ZHX1: variants seen among roughly 807,000 people sequenced by gnomAD.
ZHX1 encodes zinc fingers and homeoboxes protein 1.
Under a neutral mutation model 61.8 loss-of-function variants are expected in ZHX1, and 20 were observed. That is an observed-to-expected ratio of 0.32 (90% CI 0.23 to 0.47). The LOEUF is 0.47. ZHX1 is among the 20% of genes least tolerant of loss of function. The pLI is 1.00. For missense variants in ZHX1, 800 were observed against 1,034.8 expected, an observed-to-expected ratio of 0.77 and a Z score of 3.11; for synonymous variants, 318 against 352.6, an observed-to-expected ratio of 0.90 and a Z score of 1.10.
At chr8:123,251,661 A>T (rs1825923148) in intron 3 of ZHX1, among the ~76,000 whole-genome samples, 1 of 151,802 alleles carries the variant, frequency 6.6e-6, no homozygotes. Flanking sequence ...GTTTAGCAAT[A>T]AAAAAAATGC....
At chr8:123,272,791 G>A (rs1186188692) in intron 1 of ZHX1, among the ~76,000 whole-genome samples, 1 of 151,990 alleles carries the variant, frequency 6.6e-6, no homozygotes, top group African/African-American at 2.4e-5. Context: ...GTTCCTGGGG[G>A]GAGACTGCTT....
At chr8:123,260,993 G>C (rs1291156596) in intron 2 of ZHX1, among the ~76,000 whole-genome samples, 1 of 152,172 alleles carries the variant, frequency 6.6e-6, no homozygotes, top group African/African-American at 2.4e-5. Flanking sequence ...CTGCATTCCA[G>C]CCTGGGTGAC....
At chr8:123,268,714 T>A (rs936337708) in intron 1 of ZHX1, among the ~76,000 whole-genome samples, 1 of 152,138 alleles carries the variant, frequency 6.6e-6, no homozygotes, top group South Asian at 2.1e-4. Flanking sequence ...ATGGTCTCTA[T>A]CTCCTGAGCT....
intron 2 of ZHX1, among the ~76,000 whole-genome samples, chr8:123,260,534 G>GT (rs1826217346): frequency 6.6e-6 from 1 of 151,264 alleles, no homozygotes; most frequent in Non-Finnish European, 1.5e-5. Context: ...GGAGGTGGAG[G>GT]TTGCAGTGAG....
At chr8:123,256,378 G>C (rs1826070045) in intron 2 of ZHX1, among the ~76,000 whole-genome samples, 1 of 152,040 alleles carries the variant, frequency 6.6e-6, no homozygotes. Flanking sequence ...TTTACCTTGG[G>C]TCAGACACAA....
At position 123,249,162 on chromosome 8, in the gene ZHX1, T is replaced by C. The variant is rs145301051; in HGVS notation, c.*1162A>G. ...AATCCAAAGCTAATTAAACTGAACA[T>C]TTCTTCTACGAAGAAAGCGCATTTT... On this transcript the variant is annotated 3_prime_UTR_variant, in exon 4 of 4. Coordinates refer to ENST00000395571, the MANE Select transcript of ZHX1 (RefSeq NM_007222.5). The C allele has an allele frequency of 6.6e-6, 1 of 152,566 alleles. No homozygotes were observed. The highest frequency in any genetic ancestry group is 1.5e-5 in the Non-Finnish European group (1 of 67,996). 9.5% of individuals were successfully genotyped at this position (152,566 alleles called of 1,614,324 possible).
chr8:123,274,790 G>A (rs1481391242), upstream of ZHX1, among the ~76,000 whole-genome samples: 2 of 152,176 alleles, frequency 1.3e-5, no homozygotes, highest in East Asian at 3.9e-4. Flanking sequence ...CGCCTTCCTT[G>A]CGCTCCGCCT....
chr8:123,262,453 G>A (rs897896320), intron 2 of ZHX1, among the ~76,000 whole-genome samples: 1 of 152,152 alleles, frequency 6.6e-6, no homozygotes, highest in Non-Finnish European at 1.5e-5. Context: ...AAAATTTCAC[G>A]AGATTATGGG....
At chr8:123,261,182 G>A (rs935289420) in intron 2 of ZHX1, among the ~76,000 whole-genome samples, 1 of 152,148 alleles carries the variant, frequency 6.6e-6, no homozygotes, top group Admixed American at 6.5e-5. Context: ...TGCATAATGT[G>A]TATAGTCTAA....
chr8:123,252,690 C>T (rs937939916), intron 3 of ZHX1: 2 of 151,956 alleles, frequency 1.3e-5, no homozygotes, highest in African/African-American at 4.8e-5. Context: ...TGACTTTTAA[C>T]AGAAAAAGAT....
At chr8:123,273,099 G>A (rs1344683033) in intron 1 of ZHX1, among the ~76,000 whole-genome samples, 1 of 151,778 alleles carries the variant, frequency 6.6e-6, no homozygotes, top group Non-Finnish European at 1.5e-5. Context: ...TCCCCCGCCT[G>A]CTGTCTCTCA....
rs536383461 is a variant in ZHX1 at position 123,253,097 on chromosome 8, T to C, written c.*3+225A>G. 3 of 403,552 alleles carry C rather than the reference T, an allele frequency of 7.4e-6. No individual in the cohort carries two copies. In the Admixed American group the frequency reaches 1.3e-4, roughly 17 times the overall value. 25.0% of individuals were successfully genotyped at this position (403,552 alleles called of 1,614,324 possible). A position where few individuals can be genotyped will look rare whatever the true frequency, so the allele number is the denominator to read the frequency against. On this transcript the variant is annotated intron_variant, in intron 3 of 3. Coordinates refer to ENST00000395571, the MANE Select transcript of ZHX1 (RefSeq NM_007222.5). The stretch of plus-strand genomic sequence containing the variant: ...AACAAAGTAAAAAAAACCCAATTCA[T>C]ATGAAAAATAATAATTAAGACATTA...
Position 123,254,135 on chromosome 8 carries a change from T to C in ZHX1, c.1812A>G (p.Gln604=), listed in dbSNP as rs1479191403. 3.1e-6 allele frequency: 5 copies of C among 1,614,076 alleles called. No homozygotes were observed. The highest frequency in any genetic ancestry group is 1.6e-4 in the Middle Eastern group (1 of 6,084). Residue 604 remains glutamine, a synonymous_variant, in exon 3 of 4, where the codon CAA becomes CAG. Transcript: ENST00000395571. The surrounding 1 kb of genome is among the most constrained non-coding windows in gnomAD (Gnocchi z 4.1). ...TDEELNRLRA[Q]TKLTRREIDA... ...CGATTTCTCTTCTGGTAAGTTTGGT[T>C]TGTGCCCTTAACCTATTTAATTCTT...
intron 1 of ZHX1, among the ~76,000 whole-genome samples, chr8:123,273,113 A>T (rs1014504983): frequency 6.6e-6 from 1 of 151,744 alleles, no homozygotes; most frequent in Non-Finnish European, 1.5e-5. Flanking sequence ...TCTCTCATTG[A>T]CGCCTTCCCA....
In ZHX1 at chr8:123,254,876, A is replaced by C. The variant is rs1257952942; in HGVS notation, c.1071T>G (p.Asn357Lys). ...TCTGAGGTACAGTATGCACTGTTCC[A>C]TTGAATTGTTTCCTTCTTGCCTCCT... Reference protein sequence around the residue: ...EVEEARRKQFNGTVHTVPQTI... With the variant: ...EVEEARRKQFKGTVHTVPQTI... Residue 357 changes from asparagine (N) to lysine (K), a missense_variant, in exon 3 of 4, where the codon AAT (asparagine) becomes AAG (lysine). By Grantham distance (94) the Asn-to-Lys change is moderately conservative (BLOSUM62 0). Transcript: ENST00000395571. This position sits in a 1 kb window ranked among gnomAD's most constrained non-coding sequence, Gnocchi z 4.1. 1.2e-6 allele frequency: 2 copies of C among 1,614,208 alleles called. No individual in the cohort carries two copies. The highest frequency in any genetic ancestry group is 2.7e-5 in the African/African-American group (2 of 75,060).
chr8:123,271,329 TATA>T, intron 1 of ZHX1, among the ~76,000 whole-genome samples: 2 of 152,302 alleles, frequency 1.3e-5, no homozygotes, highest in Middle Eastern at 3.4e-3. Context: ...AATAAATATT[TATA>T]ATGATTTAAA....
intron 2 of ZHX1, among the ~76,000 whole-genome samples, chr8:123,266,200 A>G (rs1185314528): frequency 6.6e-6 from 1 of 152,230 alleles, no homozygotes; most frequent in Admixed American, 6.5e-5. Flanking sequence ...GTCATTTTCT[A>G]CTGAAAACAA....
rs1471055931 is a variant in ZHX1 at position 123,255,087 on chromosome 8, G to A, written c.860C>T (p.Pro287Leu). 2 of 1,614,074 alleles carry A rather than the reference G, an allele frequency of 1.2e-6. No homozygotes were observed. Among genetic ancestry groups the A allele is most frequent in the Non-Finnish European group, 1.7e-6 (2 of 1,179,976 alleles). The part of the protein sequence containing the change: ...PKVLIPVNSI[P>L]TYNAALDNNP... ...GTTATCCAATGCAGCATTGTAGGTGGGAATGCTATTAACAGGGATTAAGAC... is the reference window on the plus strand; with the variant it reads ...GTTATCCAATGCAGCATTGTAGGTGAGAATGCTATTAACAGGGATTAAGAC... The change falls in exon 3 of 4, where the codon CCC becomes CTC. Residue 287 changes from proline to leucine, a missense_variant. Transcript: ENST00000395571.
At position 123,248,824 on chromosome 8, in the gene ZHX1, G is replaced by T. The variant is rs1048854214; in HGVS notation, c.*1500C>A. The T allele has an allele frequency of 6.6e-6, 1 of 151,388 alleles. No individual in the cohort carries two copies. Among genetic ancestry groups the T allele is most frequent in the Non-Finnish European group, 1.5e-5 (1 of 67,804 alleles). 9.4% of individuals were successfully genotyped at this position (151,388 alleles called of 1,614,324 possible). A position where few individuals can be genotyped will look rare whatever the true frequency, so the allele number is the denominator to read the frequency against. On this transcript the variant is annotated 3_prime_UTR_variant, in exon 4 of 4. Coordinates refer to ENST00000395571, the MANE Select transcript of ZHX1 (RefSeq NM_007222.5). ...TAAACGTGTAAAAGAAAAAAAAAAA[G>T]CTTAGTGCATTACGGTCTTTACATT...
Sources: gnomAD v4.1 joint callset for allele counts (sites outside exome capture counted in the v4.1 genomes callset) on GRCh38, gnomAD v4.1.1 for gene constraint, Gnocchi (gnomAD v3.1) non-coding constraint, MANE v1.5 for transcripts, NCBI Gene and HGNC (gene_info 2026-07-23, HGNC 2026-07-21) for gene names.